NDST3: variants seen among roughly 807,000 people sequenced by gnomAD.
NDST3 encodes N-deacetylase and N-sulfotransferase 3, also known as bifunctional heparan sulfate N-deacetylase/N-sulfotransferase 3.
In NDST3, 58 loss-of-function variants were observed where a neutral mutation model predicts 96.1. The ratio of observed to expected loss-of-function variants is 0.60; its 90% CI spans 0.49 to 0.75. The LOEUF (loss-of-function observed/expected upper bound fraction) is 0.75. Ranked by LOEUF, NDST3 falls within the 30% of genes least tolerant of loss-of-function variation. NDST3 has a pLI of 0.00. For missense variants in NDST3, 788 were observed against 1,034.2 expected (o/e 0.76, Z 3.27); for synonymous variants, 333 against 359.7 (o/e 0.93, Z 0.84).
At chr4:118,124,436 G>C (rs1731869374) in intron 4 of NDST3, among the ~76,000 whole-genome samples, 1 of 151,964 alleles carries the variant, frequency 6.6e-6, no homozygotes, top group African/African-American at 2.4e-5. Flanking sequence ...CTTCATGCTG[G>C]ACAACTCTGT....
At chr4:118,099,674 C>T (rs1013579129) in intron 2 of NDST3, among the ~76,000 whole-genome samples, 5 of 151,968 alleles carry the variant, frequency 3.3e-5, no homozygotes, top group Non-Finnish European at 2.9e-5. Flanking sequence ...TTCTTATTTC[C>T]CTGCTGAATG....
At chr4:118,244,134 A>C (rs2126008709) in intron 12 of NDST3, among the ~76,000 whole-genome samples, 1 of 152,262 alleles carries the variant, frequency 6.6e-6, no homozygotes, top group African/African-American at 2.4e-5. Context: ...TTTTCTTGTC[A>C]ATCATCAATT....
chr4:118,059,233 T>C (rs564537984), intron 2 of NDST3, among the ~76,000 whole-genome samples: 1 of 152,248 alleles, frequency 6.6e-6, no homozygotes. Flanking sequence ...CTTGTACTTC[T>C]TTCTGGAGGT....
chr4:118,245,627 G>C (rs1209691382), intron 12 of NDST3, among the ~76,000 whole-genome samples: 1 of 152,060 alleles, frequency 6.6e-6, no homozygotes, highest in Non-Finnish European at 1.5e-5. Flanking sequence ...AATTATAGTA[G>C]CCACAGTAAC....
intron 2 of NDST3, chr4:118,055,434 A>G (rs75434512): frequency 0.054 from 8,574 of 157,614 alleles, 324 homozygotes; most frequent in Middle Eastern, 0.082. Context: ...ATTTATTCAC[A>G]TTTAAACATG....
At chr4:118,243,255 T>C (rs1387706455) in intron 12 of NDST3, among the ~76,000 whole-genome samples, 1 of 152,166 alleles carries the variant, frequency 6.6e-6, no homozygotes, top group African/African-American at 2.4e-5. Flanking sequence ...GCAGGTTTCC[T>C]TTACCTTTCA....
intron 4 of NDST3, among the ~76,000 whole-genome samples, chr4:118,130,505 G>A (rs1461786954): frequency 6.6e-6 from 1 of 151,892 alleles, no homozygotes; most frequent in African/African-American, 2.4e-5. Context: ...CTTATGTCTT[G>A]TTGTACTGTT....
chr4:118,198,652 T>C (rs1431663767), intron 6 of NDST3, among the ~76,000 whole-genome samples: 4 of 152,210 alleles, frequency 2.6e-5, no homozygotes, highest in Non-Finnish European at 4.4e-5. Flanking sequence ...GTGGATTTTG[T>C]ACCTTCAGGT....
At chr4:118,211,601 C>T (rs971177069) in intron 6 of NDST3, among the ~76,000 whole-genome samples, 1 of 152,130 alleles carries the variant, frequency 6.6e-6, no homozygotes, top group Non-Finnish European at 1.5e-5. Context: ...CTGTTTTCAT[C>T]GCATTAGGGG....
intron 12 of NDST3, among the ~76,000 whole-genome samples, chr4:118,250,234 G>C (rs1391433909): frequency 6.6e-6 from 1 of 152,158 alleles, no homozygotes; most frequent in Admixed American, 6.5e-5. Context: ...GGGTCATATA[G>C]TAGTTATGTA....
chr4:118,063,189 TAAAA>T (rs11299569), intron 2 of NDST3, among the ~76,000 whole-genome samples: 1 of 143,792 alleles, frequency 7.0e-6, no homozygotes. Context: ...AAACTCCGTT[TAAAA>T]AAAAAAAAAA....
chr4:118,053,027 T>C (rs560261032), intron 1 of NDST3, among the ~76,000 whole-genome samples: 1 of 152,114 alleles, frequency 6.6e-6, no homozygotes, highest in South Asian at 2.1e-4. Context: ...AGTGAATCAA[T>C]AGGTAAATTT....
At chr4:118,182,019 G>A (rs1303442040) in intron 6 of NDST3, among the ~76,000 whole-genome samples, 8 of 152,136 alleles carry the variant, frequency 5.3e-5, no homozygotes, top group Non-Finnish European at 1.2e-4. Flanking sequence ...GCCCTCTCAA[G>A]GTCCAGAGCC....
rs182777764 is a variant in NDST3, at chr4:118,242,770, G to C, written c.2399+621G>C. On this transcript the variant is annotated intron_variant, in intron 12 of 13. Coordinates refer to ENST00000296499, the MANE Select transcript of NDST3 (RefSeq NM_004784.3). ...GTATGGTTTTTTGCTGGTTTCCTCC[G>C]ATTTTCTTAGGTAACTGACTCTGTA... Among the ~76,000 whole-genome samples the C allele has an allele frequency of 6.5e-4, 99 of 151,838 alleles. 1 individual carries two copies. Among genetic ancestry groups the C allele is most frequent in the Admixed American group, 1.2e-3 (19 of 15,218 alleles).
intron 3 of NDST3, 123 bp from the exon 4 acceptor site, chr4:118,114,683 G>A (rs192657958): frequency 1.9e-4 from 212 of 1,089,220 alleles, no homozygotes; most frequent in Non-Finnish European, 2.5e-4. Context: ...AGCCTTATAC[G>A]TAAAACAGAA....
intron 6 of NDST3, 140 bp from the exon 7 acceptor site, chr4:118,224,351 T>C: frequency 1.7e-6 from 1 of 594,532 alleles, no homozygotes; most frequent in Non-Finnish European, 2.8e-6. Flanking sequence ...TTGAGGGACA[T>C]GTCCCAAATC....
At position 118,125,624 on chromosome 4, in the gene NDST3, T is replaced by A. The variant is rs1419239030; in HGVS notation, c.1224+10664T>A. ...AAAAATAGTACATTCGTATTTAGCA[T>A]CTGAATATAAAATCATTTCTAAAAC... On this transcript the variant is annotated intron_variant, in intron 4 of 13. Coordinates refer to ENST00000296499, the MANE Select transcript of NDST3 (RefSeq NM_004784.3). Among the ~76,000 whole-genome samples, 7 of 152,172 alleles carry A rather than the reference T, an allele frequency of 4.6e-5. No individual in the cohort carries two copies. The East Asian group carries it at 7.7e-4, about 17-fold the overall frequency.
intron 6 of NDST3, among the ~76,000 whole-genome samples, chr4:118,209,923 T>A (rs760030625): frequency 6.6e-6 from 1 of 152,272 alleles, no homozygotes; most frequent in South Asian, 2.1e-4. Context: ...TAAGGTGACA[T>A]CTTTTGTCTC....
chr4:118,192,335 G>C (rs995453796), intron 6 of NDST3, among the ~76,000 whole-genome samples: 4 of 152,018 alleles, frequency 2.6e-5, no homozygotes, highest in Admixed American at 2.6e-4. Context: ...GTGCTTGTGG[G>C]GTATTACTCA....
Sources: gnomAD v4.1 joint callset for allele counts (sites outside exome capture counted in the v4.1 genomes callset) on GRCh38, gnomAD v4.1.1 for gene constraint, MANE v1.5 for transcripts, NCBI Gene and HGNC (gene_info 2026-07-23, HGNC 2026-07-21) for gene names.